The following DDHD1 variants were observed in gnomAD, a reference collection of about 807,000 sequenced individuals.
The protein encoded by DDHD1 is phospholipase DDHD1.
DDHD1 carries 49 observed loss-of-function variants against 96.4 expected under a neutral mutation model. The ratio of observed to expected loss-of-function variants is 0.51; its 90% CI spans 0.40 to 0.64. DDHD1 has a LOEUF of 0.64. Ranked by LOEUF, DDHD1 falls within the 30% of genes least tolerant of loss-of-function variation. DDHD1 has a pLI of 0.00. For synonymous variants in DDHD1, 442 were observed against 446.5 expected (o/e 0.99, Z 0.13); for missense variants, 1,106 against 1,161.2 (o/e 0.95, Z 0.69).
At chr14:53,116,330 A>G (rs892923209) in intron 1 of DDHD1, among the ~76,000 whole-genome samples, 1 of 152,222 alleles carries the variant, frequency 6.6e-6, no homozygotes, top group Non-Finnish European at 1.5e-5. Flanking sequence ...ACAGAAAATT[A>G]ACAAGGATAT....
intron 1 of DDHD1, among the ~76,000 whole-genome samples, chr14:53,147,183 T>A (rs1424191638): frequency 2.0e-5 from 3 of 152,094 alleles, no homozygotes. Context: ...GACCAGCACA[T>A]CCAGATTTTT....
intron 4 of DDHD1, among the ~76,000 whole-genome samples, chr14:53,076,442 T>C (rs1278088569): frequency 6.6e-6 from 1 of 152,206 alleles, no homozygotes; most frequent in Non-Finnish European, 1.5e-5. Flanking sequence ...GATGAGGAGT[T>C]GCTTCTTATG....
intron 2 of DDHD1, among the ~76,000 whole-genome samples, chr14:53,094,739 G>A (rs1273193886): frequency 1.3e-5 from 2 of 151,968 alleles, no homozygotes; most frequent in Non-Finnish European, 2.9e-5. Flanking sequence ...AGCTACTTGG[G>A]AGGCTGAGGC....
intron 4 of DDHD1, among the ~76,000 whole-genome samples, chr14:53,083,495 G>C (rs189388182): frequency 6.6e-6 from 1 of 152,098 alleles, no homozygotes; most frequent in African/African-American, 2.4e-5. Flanking sequence ...CTATGTAAGC[G>C]GTAAACATAT....
In DDHD1 at chr14:53,066,958, CA is replaced by C. The variant is rs34195210; in HGVS notation, c.1504-3754del. Among the ~76,000 whole-genome samples, 510 of 134,368 alleles carry C rather than the reference CA, an allele frequency of 3.8e-3. 3 individuals are homozygous for C. The highest frequency in any genetic ancestry group is 0.012 in the African/African-American group (431 of 36,164). The allele number at this position is 134,368 out of a possible 152,430, so 88.2% of individuals were successfully genotyped here. A position where few individuals can be genotyped will look rare whatever the true frequency, so the allele number is the denominator to read the frequency against. On this transcript the variant is annotated intron_variant, in intron 6 of 12. Coordinates refer to ENST00000673822, the MANE Select transcript of DDHD1 (RefSeq NM_001160148.2). ...CTCCTGCCTCCGTAAGAACCTGTCT[CA>C]AAAAAAAAAAAAAAAAGTTTGCCCA...
rs558051979 is a variant in DDHD1 at position 53,117,973 on chromosome 14, C to T, written c.839-14117G>A. Among the ~76,000 whole-genome samples the T allele has an allele frequency of 2.6e-5, 4 of 152,272 alleles. No homozygotes were observed. The East Asian group carries it at 7.7e-4, about 29-fold the overall frequency. The stretch of plus-strand genomic sequence containing the variant: ...AGCTTCCAGAGGAAGGATCAAGCAG[C>T]AATATTTGTTGTTCTGCAGCCTCCG... On this transcript the variant is annotated intron_variant, in intron 1 of 12. Coordinates refer to ENST00000673822, the MANE Select transcript of DDHD1 (RefSeq NM_001160148.2).
intron 1 of DDHD1, among the ~76,000 whole-genome samples, chr14:53,143,510 G>A (rs537522858): frequency 8.5e-5 from 13 of 152,268 alleles, no homozygotes; most frequent in African/African-American, 2.9e-4. Flanking sequence ...ATAATCTGAC[G>A]CGTCCACCTT....
chr14:53,073,035 G>A (rs950889469), intron 5 of DDHD1, among the ~76,000 whole-genome samples: 3 of 151,922 alleles, frequency 2.0e-5, no homozygotes, highest in Admixed American at 6.6e-5. Context: ...TTTAGAACAG[G>A]TGTCAAAACA....
At chr14:53,047,701 T>C (rs1293011235) in intron 12 of DDHD1, among the ~76,000 whole-genome samples, 1 of 152,182 alleles carries the variant, frequency 6.6e-6, no homozygotes, top group Non-Finnish European at 1.5e-5. Context: ...TTCAATCAAG[T>C]ATTTTCTAAA....
chr14:53,056,841 A>G (rs1883096792), intron 9 of DDHD1, among the ~76,000 whole-genome samples: 2 of 152,206 alleles, frequency 1.3e-5, no homozygotes, highest in African/African-American at 4.8e-5. Flanking sequence ...TCCTCCTTTA[A>G]AGTTACAACA....
chr14:53,130,237 G>A (rs1002480904), intron 1 of DDHD1, among the ~76,000 whole-genome samples: 1 of 152,026 alleles, frequency 6.6e-6, no homozygotes, highest in Non-Finnish European at 1.5e-5. Flanking sequence ...TCCCCTACCT[G>A]CCCAACAATT....
intron 2 of DDHD1, chr14:53,103,393 A>C: frequency 2.8e-6 from 1 of 356,918 alleles, no homozygotes; most frequent in Non-Finnish European, 4.9e-6. Context: ...TTGATAACTA[A>C]AAAATTACTA....
At chr14:53,117,825 ACT>A (rs1888668220) in intron 1 of DDHD1, among the ~76,000 whole-genome samples, 1 of 152,024 alleles carries the variant, frequency 6.6e-6, no homozygotes, top group Non-Finnish European at 1.5e-5. Flanking sequence ...GGGCATTCGA[ACT>A]CTGAGAATGG....
At chr14:53,113,586 T>G (rs892414292) in intron 1 of DDHD1, among the ~76,000 whole-genome samples, 3 of 150,956 alleles carry the variant, frequency 2.0e-5, no homozygotes, top group South Asian at 4.2e-4. Context: ...CCACGGAGAG[T>G]GAGCAGAAGC....
intron 3 of DDHD1, chr14:53,093,044 C>T (rs1472920634): frequency 1.5e-5 from 3 of 201,612 alleles, no homozygotes; most frequent in Admixed American, 6.1e-5. Context: ...ATTTCAACTG[C>T]CACATTTTAG....
chr14:53,118,853 A>G (rs1156596862), intron 1 of DDHD1, among the ~76,000 whole-genome samples: 1 of 152,140 alleles, frequency 6.6e-6, no homozygotes, highest in African/African-American at 2.4e-5. Flanking sequence ...CCCAAGACAC[A>G]TTAATTGTCA....
chr14:53,093,116 C>G (rs1472389867), intron 3 of DDHD1, 200 bp downstream of exon 3: 2 of 375,924 alleles, frequency 5.3e-6, no homozygotes, highest in Admixed American at 9.7e-5. Context: ...TCAAATCATT[C>G]TAAATATATA....
At chr14:53,096,743 T>G (rs1203432117) in intron 2 of DDHD1, among the ~76,000 whole-genome samples, 4 of 151,726 alleles carry the variant, frequency 2.6e-5, no homozygotes, top group African/African-American at 9.7e-5. Flanking sequence ...AAAAAAAAAA[T>G]TCTTTTCTCA....
At chr14:53,108,163 G>A (rs924496826) in intron 1 of DDHD1, among the ~76,000 whole-genome samples, 1 of 152,098 alleles carries the variant, frequency 6.6e-6, no homozygotes, top group African/African-American at 2.4e-5. Context: ...CAGACCTGCC[G>A]CTGACTTCCA....
Sources: allele counts gnomAD v4.1 joint callset (sites outside exome capture counted in the v4.1 genomes callset), GRCh38; gene constraint gnomAD v4.1.1; transcripts MANE v1.5; gene names NCBI Gene and HGNC (gene_info 2026-07-23, HGNC 2026-07-21).